Variants in FRMD3 observed in about 807,000 individuals in gnomAD.
FRMD3 encodes the protein FERM domain containing 3.
In FRMD3, 33 loss-of-function variants were observed where a neutral mutation model predicts 70.2. The observed-to-expected ratio is 0.47, with a 90% CI of 0.36 to 0.63. FRMD3 has a LOEUF of 0.63. Ranked by LOEUF, FRMD3 falls within the 20% of genes least tolerant of loss-of-function variation. The pLI is 0.00. For synonymous variants in FRMD3, 279 were observed against 255.9 expected, an observed-to-expected ratio of 1.09 and a Z score of -0.86; for missense variants, 632 against 711.4, an observed-to-expected ratio of 0.89 and a Z score of 1.27.
In FRMD3 at chr9:83,297,277, A is replaced by C. The variant is rs535443987; in HGVS notation, c.1070+1471T>G. On this transcript the variant is annotated intron_variant, in intron 12 of 13. Transcript: ENST00000304195. ...TTGAGCTTCAACCTGGAAGAATAAA[A>C]TGCATGCTGAACCACTTGGGGTAGT... 2.0e-5 allele frequency among the ~76,000 whole-genome samples: 3 copies of C among 152,298 alleles called. No individual in the cohort carries two copies. In the East Asian group the frequency reaches 5.8e-4, roughly 29 times the overall value.
chr9:83,347,290 A>G (rs1184987952), intron 4 of FRMD3, among the ~76,000 whole-genome samples: 4 of 148,178 alleles, frequency 2.7e-5, no homozygotes, highest in African/African-American at 9.8e-5. Flanking sequence ...CACATTAAGG[A>G]TGCTCATTTT....
the FRMD3 span, among the ~76,000 whole-genome samples, chr9:83,581,337 C>T: frequency 1.3e-5 from 2 of 152,256 alleles, no homozygotes; most frequent in South Asian, 4.1e-4. Flanking sequence ...TCCAAAGATA[C>T]ACAAATGACC....
intron 3 of FRMD3, among the ~76,000 whole-genome samples, chr9:83,356,829 G>T (rs1180352292): frequency 6.6e-6 from 1 of 151,590 alleles, no homozygotes; most frequent in African/African-American, 2.4e-5. Context: ...TGGGATTTGG[G>T]TGCACCCATC....
chr9:83,502,469 T>C (rs1829090318), intron 1 of FRMD3, among the ~76,000 whole-genome samples: 1 of 152,204 alleles, frequency 6.6e-6, no homozygotes, highest in Non-Finnish European at 1.5e-5. Context: ...TTGGTACAGC[T>C]ATAAGCCATA....
intron 1 of FRMD3, among the ~76,000 whole-genome samples, chr9:83,460,836 T>C (rs757200562): frequency 3.3e-5 from 5 of 152,184 alleles, no homozygotes; most frequent in African/African-American, 4.8e-5. Context: ...AATTTTTAAA[T>C]GTTAGTAACT....
chr9:83,263,133 G>T lies in FRMD3; in HGVS notation c.1196-14617C>A, dbSNP rs139262142. On this transcript the variant is annotated intron_variant, in intron 13 of 13. Transcript: ENST00000304195. ...CAGAAACTGGCAGCCGTCCTATGGT[G>T]CTGACAGCAACGGCATGAGGGGAAG... 3.6e-3 allele frequency among the ~76,000 whole-genome samples: 554 copies of T among 152,352 alleles called. 2 individuals carry two copies. Among genetic ancestry groups the T allele is most frequent in the African/African-American group, 0.011 (442 of 41,576 alleles).
At chr9:83,297,204 G>A (rs1049246606) in intron 12 of FRMD3, among the ~76,000 whole-genome samples, 3 of 152,158 alleles carry the variant, frequency 2.0e-5, no homozygotes, top group Non-Finnish European at 4.4e-5. Context: ...CTTTGTGTTT[G>A]TGCTACCAGG....
intron 3 of FRMD3, among the ~76,000 whole-genome samples, chr9:83,356,360 C>G (rs113621593): frequency 0.11 from 16,780 of 148,938 alleles, 1,117 homozygotes; most frequent in African/African-American, 0.17. Context: ...ACTGCAAGCT[C>G]CGCCTCCCGG....
intron 1 of FRMD3, among the ~76,000 whole-genome samples, chr9:83,506,840 A>C (rs1450607121): frequency 1.3e-5 from 2 of 152,218 alleles, no homozygotes; most frequent in African/African-American, 4.8e-5. Context: ...GTACAGCTGC[A>C]CATAATATTT....
At chr9:83,510,045 A>G (rs968967076) in intron 1 of FRMD3, among the ~76,000 whole-genome samples, 1 of 152,144 alleles carries the variant, frequency 6.6e-6, no homozygotes, top group African/African-American at 2.4e-5. Flanking sequence ...AAAAAAGGCC[A>G]CTGGAAAGCA....
At chr9:83,375,068 C>G (rs1825098329) in intron 2 of FRMD3, among the ~76,000 whole-genome samples, 1 of 152,204 alleles carries the variant, frequency 6.6e-6, no homozygotes, top group South Asian at 2.1e-4. Context: ...TCCAACTTGT[C>G]TCTGACTCCA....
chr9:83,423,320 T>C (rs1019619537), intron 1 of FRMD3, among the ~76,000 whole-genome samples: 1 of 152,168 alleles, frequency 6.6e-6, no homozygotes, highest in Non-Finnish European at 1.5e-5. Context: ...ATGCTGAGGC[T>C]CTTGCACTCA....
chr9:83,367,684 A>C (rs1053810825), intron 3 of FRMD3, among the ~76,000 whole-genome samples: 2 of 152,210 alleles, frequency 1.3e-5, no homozygotes, highest in African/African-American at 4.8e-5. Flanking sequence ...AGGAACAGCA[A>C]ATGTGCTGGA....
chr9:83,243,040 C>A (rs540860851), downstream of FRMD3: 20 of 674,890 alleles, frequency 3.0e-5, no homozygotes, highest in South Asian at 1.4e-4. Context: ...CAGCTGGGAT[C>A]TGAGGCCTAA....
intron 3 of FRMD3, among the ~76,000 whole-genome samples, chr9:83,360,029 G>A (rs1237269137): frequency 6.6e-6 from 1 of 152,214 alleles, no homozygotes; most frequent in Non-Finnish European, 1.5e-5. Flanking sequence ...ATCTCTCAGG[G>A]AGGAGTGAGG....
intron 13 of FRMD3, chr9:83,266,965 C>G (rs1467571446): frequency 3.9e-6 from 6 of 1,533,748 alleles, no homozygotes; most frequent in Non-Finnish European, 5.3e-6. Context: ...AAGCTGGAAG[C>G]CCGCACACTT....
At chr9:83,331,480 C>T (rs1302342731) in intron 6 of FRMD3, among the ~76,000 whole-genome samples, 1 of 152,104 alleles carries the variant, frequency 6.6e-6, no homozygotes, top group African/African-American at 2.4e-5. Context: ...AGGGAAACTA[C>T]TCTGTATGAT....
chr9:83,523,568 A>G (rs1339732158), intron 1 of FRMD3, among the ~76,000 whole-genome samples: 1 of 152,244 alleles, frequency 6.6e-6, no homozygotes, highest in Non-Finnish European at 1.5e-5. Context: ...TTAACAATAT[A>G]TGTTGAATAA....
intron 13 of FRMD3, among the ~76,000 whole-genome samples, chr9:83,255,257 T>C (rs928093602): frequency 6.6e-6 from 1 of 152,146 alleles, no homozygotes; most frequent in Non-Finnish European, 1.5e-5. Flanking sequence ...ATTCATCACA[T>C]AAACAGAGCT....
Sources: gnomAD v4.1 joint callset for allele counts (sites outside exome capture counted in the v4.1 genomes callset) on GRCh38, gnomAD v4.1.1 for gene constraint, MANE v1.5 for transcripts, NCBI Gene and HGNC (gene_info 2026-07-23, HGNC 2026-07-21) for gene names.